The following ADAM19 variants were observed in gnomAD, a reference collection of about 807,000 sequenced individuals.
ADAM19 encodes disintegrin and metalloproteinase domain-containing protein 19.
In ADAM19, 65 loss-of-function variants were observed where a neutral mutation model predicts 114.7. That is an observed-to-expected ratio of 0.57 (90% CI 0.46 to 0.70). The LOEUF is 0.70. Among genes scored for constraint, ADAM19 ranks in the 30% least tolerant of loss-of-function variants. The pLI, the probability that ADAM19 is intolerant of heterozygous loss-of-function variation, is 0.00. For synonymous variants in ADAM19, 466 were observed against 460.5 expected (o/e 1.01, Z -0.15); for missense variants, 1,063 against 1,204.7 (o/e 0.88, Z 1.74).
chr5:157,567,785 G>A (rs1294481460), intron 2 of ADAM19, among the ~76,000 whole-genome samples: 3 of 146,746 alleles, frequency 2.0e-5, no homozygotes. Flanking sequence ...CAACAAGAGC[G>A]AAACTCCGTC....
Position 157,510,725 on chromosome 5 carries a change from G to A in ADAM19, c.739-1258C>T, listed in dbSNP as rs547692593. On this transcript the variant is annotated intron_variant, in intron 8 of 22. Coordinates refer to ENST00000257527, the MANE Select transcript of ADAM19 (RefSeq NM_033274.5). ...TGTATCCATGTGTTAGAGTGTATTC[G>A]TTTATGATTTCTCTTTATTGCTGAA... Among the ~76,000 whole-genome samples, 9 of 152,256 alleles carry A rather than the reference G, an allele frequency of 5.9e-5. No homozygotes were observed. In the South Asian group the frequency reaches 6.2e-4, roughly 11 times the overall value.
chr5:157,507,000 G>A, intron 10 of ADAM19, 56 bp downstream of exon 10: 1 of 1,430,098 alleles, frequency 7.0e-7, no homozygotes, highest in South Asian at 1.2e-5. Context: ...ATGACCTCTG[G>A]TCTTGAAAGG....
intron 13 of ADAM19, among the ~76,000 whole-genome samples, chr5:157,498,986 C>A (rs754153570): frequency 6.6e-6 from 1 of 151,920 alleles, no homozygotes; most frequent in Non-Finnish European, 1.5e-5. Flanking sequence ...TGTGGTTCTA[C>A]GGTAACACTA....
chr5:157,554,784 T>C (rs929255762), intron 3 of ADAM19, among the ~76,000 whole-genome samples: 5 of 152,170 alleles, frequency 3.3e-5, no homozygotes, highest in African/African-American at 1.2e-4. Context: ...GTTATTGAAT[T>C]CCACACACAT....
rs1561534426 is a variant in ADAM19 at position 157,505,851 on chromosome 5, T to TCTGCCTCTGCCCCCCATCC, written c.991-62_991-44dup. ...TTGAGGTCAAGGTCAAGGGGACAGA[T>TCTGCCTCTGCCCCCCATCC]CTGCCTCTGCCCCCCATCCCTGCCT... On this transcript the variant is annotated intron_variant, in intron 10 of 22. Transcript: ENST00000257527. 6.3e-6 allele frequency: 10 copies of TCTGCCTCTGCCCCCCATCC among 1,594,368 alleles called. No homozygotes were observed. The Admixed American group carries it at 1.5e-4, about 24-fold the overall frequency.
chr5:157,543,078 G>A (rs552122242), intron 3 of ADAM19, among the ~76,000 whole-genome samples: 1 of 152,056 alleles, frequency 6.6e-6, no homozygotes, highest in Non-Finnish European at 1.5e-5. Context: ...AACTAGTTTT[G>A]TGTCTAATTT....
intron 4 of ADAM19, among the ~76,000 whole-genome samples, chr5:157,531,880 G>A (rs977102477): frequency 4.6e-5 from 7 of 152,182 alleles, no homozygotes; most frequent in African/African-American, 1.4e-4. Flanking sequence ...GAAGCTAGAA[G>A]AGCCTGGAAG....
At chr5:157,558,540 G>C (rs937251953) in intron 3 of ADAM19, among the ~76,000 whole-genome samples, 1 of 152,184 alleles carries the variant, frequency 6.6e-6, no homozygotes, top group Non-Finnish European at 1.5e-5. Context: ...TACCATCTAA[G>C]CCTTTCTAAG....
intron 21 of ADAM19, among the ~76,000 whole-genome samples, chr5:157,485,270 G>A (rs1024093667): frequency 6.6e-6 from 1 of 152,202 alleles, no homozygotes; most frequent in Non-Finnish European, 1.5e-5. Flanking sequence ...TTTGCTTCTA[G>A]AGTGACTTTC....
intron 4 of ADAM19, among the ~76,000 whole-genome samples, chr5:157,536,033 C>A (rs1581336877): frequency 1.3e-5 from 2 of 152,216 alleles, no homozygotes; most frequent in African/African-American, 4.8e-5. Context: ...ACTGGACAGC[C>A]TCCCTGGGGA....
chr5:157,486,557 C>T (rs577832005), intron 21 of ADAM19, among the ~76,000 whole-genome samples: 3 of 152,274 alleles, frequency 2.0e-5, no homozygotes, highest in Admixed American at 2.0e-4. Flanking sequence ...GTCCCTGACA[C>T]TTCCTGACCT....
chr5:157,542,861 GC>G (rs1364229255), intron 3 of ADAM19, among the ~76,000 whole-genome samples: 1 of 152,338 alleles, frequency 6.6e-6, no homozygotes, highest in African/African-American at 2.4e-5. Flanking sequence ...ACTCTCAGAG[GC>G]CTGTCTACGG....
chr5:157,548,172 C>A (rs184848784), intron 3 of ADAM19, among the ~76,000 whole-genome samples: 2 of 152,306 alleles, frequency 1.3e-5, no homozygotes, highest in African/African-American at 4.8e-5. Flanking sequence ...TTACTTCCTC[C>A]TATCAGACTT....
intron 3 of ADAM19, among the ~76,000 whole-genome samples, chr5:157,552,904 A>T (rs528496959): frequency 6.6e-6 from 1 of 152,234 alleles, no homozygotes; most frequent in East Asian, 1.9e-4. Context: ...GGAACTGGAG[A>T]TCATTATGTT....
At chr5:157,523,693 A>C (rs1756372813) in intron 5 of ADAM19, among the ~76,000 whole-genome samples, 1 of 152,156 alleles carries the variant, frequency 6.6e-6, no homozygotes, top group Non-Finnish European at 1.5e-5. Context: ...AGCCAAAATA[A>C]ACCTCTTTTC....
intron 15 of ADAM19, 52 bp from the exon 16 acceptor site, chr5:157,493,229 AGCTGGG>A (rs757215269): frequency 1.6e-5 from 25 of 1,587,374 alleles, no homozygotes; most frequent in Non-Finnish European, 2.1e-5. Flanking sequence ...GCAGAGGAAG[AGCTGGG>A]GCACCAGAGA....
chr5:157,492,912 C>T (rs2113700157), intron 16 of ADAM19, 61 bp downstream of exon 16: 2 of 1,579,948 alleles, frequency 1.3e-6, no homozygotes, highest in East Asian at 2.2e-5. Context: ...TCCCTCAGAC[C>T]TCACTTCTCA....
At chr5:157,573,904 A>C (rs1189232598) in intron 1 of ADAM19, among the ~76,000 whole-genome samples, 1 of 152,186 alleles carries the variant, frequency 6.6e-6, no homozygotes, top group Non-Finnish European at 1.5e-5. Context: ...ACCCCTTTCT[A>C]ATGCTCCCTG....
At chr5:157,573,058 G>A (rs1757874684) in intron 1 of ADAM19, among the ~76,000 whole-genome samples, 1 of 152,050 alleles carries the variant, frequency 6.6e-6, no homozygotes, top group African/African-American at 2.4e-5. Context: ...GACAAGCATC[G>A]CTCTTGCCCT....
Sources: allele counts gnomAD v4.1 joint callset (sites outside exome capture counted in the v4.1 genomes callset), GRCh38; gene constraint gnomAD v4.1.1; transcripts MANE v1.5; gene names NCBI Gene and HGNC (gene_info 2026-07-23, HGNC 2026-07-21).